The following DIAPH2 variants were observed in gnomAD, a reference collection of about 807,000 sequenced individuals.
DIAPH2 encodes the protein protein diaphanous homolog 2.
Under a neutral mutation model 92.7 loss-of-function variants are expected in DIAPH2, and 35 were observed. The observed-to-expected ratio is 0.38, with a 90% CI of 0.29 to 0.50. DIAPH2 has a LOEUF of 0.50. Ranked by LOEUF, DIAPH2 falls within the 20% of genes least tolerant of loss-of-function variation. The pLI is 0.94. For missense variants in DIAPH2, 701 were observed against 819.5 expected, an observed-to-expected ratio of 0.86 and a Z score of 1.77; for synonymous variants, 301 against 280.4, an observed-to-expected ratio of 1.07 and a Z score of -0.73.
At chrX:97,550,209 A>G (rs928918293) in intron 26 of DIAPH2, among the ~76,000 whole-genome samples, 20 of 111,143 alleles carry the variant, frequency 1.8e-4, no homozygotes, top group African/African-American at 6.6e-4. Flanking sequence ...AAATACAAAA[A>G]TTACCTGGGT....
chrX:97,417,399 TACACAC>T (rs751129969), intron 25 of DIAPH2, among the ~76,000 whole-genome samples: 17 of 101,125 alleles, frequency 1.7e-4, no homozygotes, highest in Admixed American at 5.2e-4. Flanking sequence ...CACACACACA[TACACAC>T]ACACACACAC....
At chrX:96,925,374 A>G (rs985194637) in intron 9 of DIAPH2, among the ~76,000 whole-genome samples, 1 of 111,042 alleles carries the variant, frequency 9.0e-6, no homozygotes, top group Non-Finnish European at 1.9e-5. Flanking sequence ...CATACTAGTC[A>G]TCTTAGAATC....
At chrX:96,695,765 AT>A (rs1161599189) in intron 1 of DIAPH2, among the ~76,000 whole-genome samples, 1 of 111,593 alleles carries the variant, frequency 9.0e-6, no homozygotes, top group Admixed American at 9.5e-5. Flanking sequence ...GTTTTTACTG[AT>A]TTCTGTGACT....
chrX:96,797,043 A>C (rs2064545309), intron 4 of DIAPH2, among the ~76,000 whole-genome samples: 1 of 111,304 alleles, frequency 9.0e-6, no homozygotes. Context: ...AAATGTATTT[A>C]TTTCACCTTC....
chrX:97,357,750 A>G (rs2069281798), intron 24 of DIAPH2, among the ~76,000 whole-genome samples: 1 of 112,136 alleles, frequency 8.9e-6, no homozygotes, highest in African/African-American at 3.2e-5. Flanking sequence ...TTTGCTCTCC[A>G]GAGCTCACAT....
chrX:97,483,158 G>A (rs1043382977), intron 26 of DIAPH2, among the ~76,000 whole-genome samples: 1 of 110,013 alleles, frequency 9.1e-6, no homozygotes, highest in Non-Finnish European at 1.9e-5. Context: ...TTTCTAAAAA[G>A]CCTTTTAATT....
intron 23 of DIAPH2, among the ~76,000 whole-genome samples, chrX:97,308,706 G>A (rs1332977563): frequency 3.0e-5 from 3 of 99,899 alleles, no homozygotes; most frequent in African/African-American, 7.2e-5. Context: ...CTGCAAGCTC[G>A]GCCTCCCGGG....
intron 4 of DIAPH2, among the ~76,000 whole-genome samples, chrX:96,864,027 C>T (rs907461649): frequency 9.0e-6 from 1 of 111,584 alleles, no homozygotes; most frequent in African/African-American, 3.3e-5. Flanking sequence ...CACGCCATTG[C>T]ACTCCAGCCT....
chrX:96,933,664 C>T (rs943930598), intron 10 of DIAPH2, among the ~76,000 whole-genome samples: 7 of 106,387 alleles, frequency 6.6e-5, no homozygotes, highest in African/African-American at 1.7e-4. Flanking sequence ...AGTGCAGTGG[C>T]GTGATCTTGG....
At chrX:97,363,665 CAAAAA>C (rs35245894) in intron 24 of DIAPH2, among the ~76,000 whole-genome samples, 5 of 17,807 alleles carry the variant, frequency 2.8e-4, no homozygotes, top group East Asian at 2.0e-3. Context: ...GACTCTGCCT[CAAAAA>C]AAAAAAAAAA....
chrX:96,748,806 C>T (rs1462243728), intron 3 of DIAPH2, among the ~76,000 whole-genome samples: 1 of 111,340 alleles, frequency 9.0e-6, no homozygotes, highest in Non-Finnish European at 1.9e-5. Context: ...ATCCCTGCCA[C>T]AAGGTTTTTA....
intron 17 of DIAPH2, among the ~76,000 whole-genome samples, chrX:97,021,545 T>C (rs760713376): frequency 2.6e-4 from 29 of 111,930 alleles, no homozygotes; most frequent in African/African-American, 8.8e-4. Context: ...CTTCGAGTAA[T>C]GTGTTTAGAC....
intron 26 of DIAPH2, among the ~76,000 whole-genome samples, chrX:97,515,282 G>A (rs1489714686): frequency 2.7e-5 from 3 of 112,237 alleles, no homozygotes; most frequent in Admixed American, 9.4e-5. Context: ...TCCAGGTGCC[G>A]TCCGTCACCC....
chrX:97,571,333 A>C (rs890398673), intron 26 of DIAPH2, among the ~76,000 whole-genome samples: 5 of 112,034 alleles, frequency 4.5e-5, no homozygotes, highest in African/African-American at 1.3e-4. Context: ...TTTAACCTAA[A>C]AATAGTAGTT....
At chrX:97,240,483 G>A (rs190746392) in intron 22 of DIAPH2, among the ~76,000 whole-genome samples, 99 of 109,807 alleles carry the variant, frequency 9.0e-4, no homozygotes, top group Non-Finnish European at 1.7e-3. Flanking sequence ...GCGGGCGCCT[G>A]TAGTCCCAGC....
chrX:96,846,666 T>A (rs1172950358), intron 4 of DIAPH2, among the ~76,000 whole-genome samples: 1 of 112,152 alleles, frequency 8.9e-6, no homozygotes, highest in Non-Finnish European at 1.9e-5. Context: ...CTGCAGAATC[T>A]TCTGGCTGAA....
chrX:97,298,523 T>C (rs780697908), intron 23 of DIAPH2, among the ~76,000 whole-genome samples: 7 of 110,498 alleles, frequency 6.3e-5, no homozygotes, highest in African/African-American at 2.3e-4. Context: ...TAGGCAGCTC[T>C]TCATATATTT....
chrX:97,065,818 G>C (rs1157033326), intron 17 of DIAPH2, among the ~76,000 whole-genome samples: 1 of 111,386 alleles, frequency 9.0e-6, no homozygotes, highest in Non-Finnish European at 1.9e-5. Flanking sequence ...ATGTAGAGGT[G>C]GACGACAGTG....
intron 25 of DIAPH2, among the ~76,000 whole-genome samples, chrX:97,424,269 A>T (rs1159173040): frequency 9.2e-6 from 1 of 109,030 alleles, no homozygotes; most frequent in Non-Finnish European, 1.9e-5. Context: ...ATTTACAAAA[A>T]TTTTTTTTTT....
Sources: gnomAD v4.1 joint callset for allele counts (sites outside exome capture counted in the v4.1 genomes callset) on GRCh38, gnomAD v4.1.1 for gene constraint, MANE v1.5 for transcripts, NCBI Gene and HGNC (gene_info 2026-07-23, HGNC 2026-07-21) for gene names.